FIGN: variants seen among roughly 807,000 people sequenced by gnomAD.
FIGN encodes the protein fidgetin.
Under a neutral mutation model 51.3 loss-of-function variants are expected in FIGN, and 11 were observed. The ratio of observed to expected loss-of-function variants is 0.21; its 90% CI spans 0.13 to 0.35. The LOEUF (loss-of-function observed/expected upper bound fraction) is 0.35, where lower values mean the gene tolerates loss of function less well. Ranked by LOEUF, FIGN falls within the 10% of genes least tolerant of loss-of-function variation. The pLI is 1.00. For synonymous variants in FIGN, 407 were observed against 363.2 expected, an observed-to-expected ratio of 1.12 and a Z score of -1.37; for missense variants, 857 against 943.6, an observed-to-expected ratio of 0.91 and a Z score of 1.20.
chr2:163,617,496 A>T (rs2105303426), intron 2 of FIGN, among the ~76,000 whole-genome samples: 1 of 152,334 alleles, frequency 6.6e-6, no homozygotes, highest in South Asian at 2.1e-4. Context: ...GAACTTTAAA[A>T]TGACCTAACC....
At chr2:163,633,604 C>T (rs953138519) in intron 2 of FIGN, among the ~76,000 whole-genome samples, 1 of 152,158 alleles carries the variant, frequency 6.6e-6, no homozygotes, top group Non-Finnish European at 1.5e-5. Flanking sequence ...TTCTAACTAG[C>T]ATTGACAGAG....
intron 2 of FIGN, among the ~76,000 whole-genome samples, chr2:163,689,972 C>A (rs1684213380): frequency 6.6e-6 from 1 of 152,150 alleles, no homozygotes; most frequent in Non-Finnish European, 1.5e-5. Context: ...TAAATAATTT[C>A]AATCTAGCAG....
chr2:163,668,963 C>T (rs1053877979), intron 2 of FIGN, among the ~76,000 whole-genome samples: 1 of 147,326 alleles, frequency 6.8e-6, no homozygotes, highest in East Asian at 2.0e-4. Context: ...AGAAAAAAGA[C>T]ATTTAGTATA....
chr2:163,644,657 G>A (rs977538755), intron 2 of FIGN, among the ~76,000 whole-genome samples: 3 of 152,034 alleles, frequency 2.0e-5, no homozygotes, highest in African/African-American at 7.2e-5. Flanking sequence ...ATTCACAATA[G>A]CCAAAAATAT....
At chr2:163,696,398 T>G (rs1684319053) in intron 2 of FIGN, among the ~76,000 whole-genome samples, 2 of 152,118 alleles carry the variant, frequency 1.3e-5, no homozygotes, top group Admixed American at 6.5e-5. Context: ...TAGCAACCTA[T>G]TCTACCTGTT....
chr2:163,689,165 C>T (rs1684199152), intron 2 of FIGN, among the ~76,000 whole-genome samples: 1 of 149,090 alleles, frequency 6.7e-6, no homozygotes, highest in Admixed American at 6.6e-5. Context: ...ATCTCAAAAA[C>T]AAAAATGAAC....
chr2:163,609,983 G>A lies in FIGN; in HGVS notation c.1849C>T (p.Leu617=), dbSNP rs1241556271. ...ACGATTTGGTCCTCAGCCGAAGTTA[G>A]TACAGTGTCCAGTTGCATCAGAAAT... ...TEFLMQLDTV[L]TSAEDQIVVI... is the part of the protein sequence containing the mutation. The change falls in exon 3 of 3, where the codon CTA becomes TTA. Residue 617 remains leucine, a synonymous_variant. Transcript: ENST00000333129. 6.2e-7 allele frequency: 1 copy of A among 1,614,090 alleles called. No individual in the cohort carries two copies. Among genetic ancestry groups the A allele is most frequent in the Non-Finnish European group, 8.5e-7 (1 of 1,180,018 alleles).
chr2:163,638,605 C>T (rs1442933912), intron 2 of FIGN, among the ~76,000 whole-genome samples: 2 of 152,088 alleles, frequency 1.3e-5, no homozygotes, highest in Non-Finnish European at 2.9e-5. Flanking sequence ...AATATCAATT[C>T]CATTTGTTTG....
chr2:163,661,774 G>A lies in FIGN; in HGVS notation c.26-49968C>T, dbSNP rs139124649. 7.4e-4 allele frequency among the ~76,000 whole-genome samples: 113 copies of A among 152,244 alleles called. 1 individual carries two copies. In the East Asian group the frequency reaches 0.014, roughly 18 times the overall value. Reference sequence around the variant, plus strand: ...ACAAGATCTGATGGGTTTATCAGGGGTTTCTGCTTTTTCTTCTTCCTCATT... The same window carrying A: ...ACAAGATCTGATGGGTTTATCAGGGATTTCTGCTTTTTCTTCTTCCTCATT... On this transcript the variant is annotated intron_variant, in intron 2 of 2. Transcript: ENST00000333129.
intron 2 of FIGN, among the ~76,000 whole-genome samples, chr2:163,617,488 A>C (rs1015947808): frequency 6.6e-6 from 1 of 152,170 alleles, no homozygotes; most frequent in Admixed American, 6.6e-5. Flanking sequence ...GATTAACAGA[A>C]CTTTAAAATG....
At chr2:163,660,321 C>A (rs1683632816) in intron 2 of FIGN, among the ~76,000 whole-genome samples, 1 of 151,960 alleles carries the variant, frequency 6.6e-6, no homozygotes, top group African/African-American at 2.4e-5. Context: ...AGAATTGATG[C>A]ACCTTGTAAG....
At chr2:163,710,238 CCATT>C (rs1225105846) in intron 2 of FIGN, among the ~76,000 whole-genome samples, 1 of 152,122 alleles carries the variant, frequency 6.6e-6, no homozygotes, top group African/African-American at 2.4e-5. Context: ...GGGTAGTCAT[CCATT>C]CACTCTCTAA....
chr2:163,730,281 A>T (rs1684905489), intron 2 of FIGN, among the ~76,000 whole-genome samples: 1 of 152,262 alleles, frequency 6.6e-6, no homozygotes, highest in Non-Finnish European at 1.5e-5. Context: ...AAAGATTAGT[A>T]ATCAGCAATC....
intron 2 of FIGN, among the ~76,000 whole-genome samples, chr2:163,693,263 CTG>C (rs1486246524): frequency 2.0e-5 from 3 of 151,810 alleles, no homozygotes; most frequent in African/African-American, 7.2e-5. Flanking sequence ...GTGTGTGTAT[CTG>C]TGTGTGTGTA....
chr2:163,714,040 G>A (rs1223191663), intron 2 of FIGN, among the ~76,000 whole-genome samples: 6 of 152,122 alleles, frequency 3.9e-5, no homozygotes, highest in Non-Finnish European at 7.4e-5. Context: ...AGCGGCTCAC[G>A]GGGTCCACAG....
intron 2 of FIGN, among the ~76,000 whole-genome samples, chr2:163,676,109 C>T (rs972062400): frequency 2.0e-5 from 3 of 151,442 alleles, no homozygotes; most frequent in East Asian, 3.9e-4. Context: ...TAATAGAAGA[C>T]TTAAGTCTGA....
At chr2:163,664,998 G>A (rs1683750465) in intron 2 of FIGN, among the ~76,000 whole-genome samples, 1 of 152,132 alleles carries the variant, frequency 6.6e-6, no homozygotes, top group Non-Finnish European at 1.5e-5. Flanking sequence ...ATGAACTATA[G>A]TTTTGTATAG....
At chr2:163,679,396 T>TC (rs1331698565) in intron 2 of FIGN, among the ~76,000 whole-genome samples, 1 of 151,834 alleles carries the variant, frequency 6.6e-6, no homozygotes, top group Non-Finnish European at 1.5e-5. Context: ...CTTGGGAGGC[T>TC]GAGGCAGGAG....
At chr2:163,664,575 T>C (rs538714520) in intron 2 of FIGN, among the ~76,000 whole-genome samples, 78 of 152,336 alleles carry the variant, frequency 5.1e-4, no homozygotes, top group African/African-American at 1.8e-3. Flanking sequence ...GGGCAGCCAG[T>C]AGTAAAGCAT....
Sources: allele counts gnomAD v4.1 joint callset (sites outside exome capture counted in the v4.1 genomes callset), GRCh38; gene constraint gnomAD v4.1.1; transcripts MANE v1.5; gene names NCBI Gene and HGNC (gene_info 2026-07-23, HGNC 2026-07-21).